Variants in ZNF480 observed in about 807,000 individuals in gnomAD.
ZNF480 encodes the protein zinc finger protein 480.
ZNF480 carries 15 observed loss-of-function variants against 14.4 expected under a neutral mutation model. That is an observed-to-expected ratio of 1.04 (90% CI 0.70 to 1.60). The LOEUF is 1.60. ZNF480 is among the 40% of genes most tolerant of loss of function. The pLI, the probability that ZNF480 is intolerant of heterozygous loss-of-function variation, is 0.00. For missense variants in ZNF480, 593 were observed against 629.7 expected (o/e 0.94, Z 0.62); for synonymous variants, 218 against 215.5 (o/e 1.01, Z -0.10).
chr19:52,299,189 G>A (rs1233356640), intron 1 of ZNF480, among the ~76,000 whole-genome samples: 1 of 152,110 alleles, frequency 6.6e-6, no homozygotes, highest in African/African-American at 2.4e-5. Context: ...GTAGGGTGTG[G>A]GCGAGTGTAA....
intron 2 of ZNF480, chr19:52,302,069 A>C (rs1982719269): frequency 4.2e-6 from 1 of 235,368 alleles, no homozygotes; most frequent in Admixed American, 5.0e-5. Flanking sequence ...CTTCCTCAGC[A>C]TCTGGCTCAT....
At chr19:52,300,082 G>C (rs187555342) in intron 1 of ZNF480, among the ~76,000 whole-genome samples, 3 of 152,240 alleles carry the variant, frequency 2.0e-5, no homozygotes, top group Non-Finnish European at 4.4e-5. Flanking sequence ...AGAGAGGAGA[G>C]GAGGGGCTGT....
intron 4 of ZNF480, 73 bp from the exon 5 acceptor site, chr19:52,321,506 C>G: frequency 7.8e-7 from 1 of 1,278,292 alleles, no homozygotes; most frequent in South Asian, 1.5e-5. Context: ...GAGGCAGATT[C>G]TAGTATTTTC....
intron 2 of ZNF480, 83 bp downstream of exon 2, chr19:52,300,567 C>T (rs542909968): frequency 1.1e-4 from 178 of 1,592,126 alleles, no homozygotes; most frequent in Admixed American, 5.7e-4. Context: ...TTCTCTGAGT[C>T]TGAAGTGTCC....
At chr19:52,316,311 C>T (rs965208206) in intron 4 of ZNF480, among the ~76,000 whole-genome samples, 2 of 151,994 alleles carry the variant, frequency 1.3e-5, no homozygotes, top group South Asian at 4.2e-4. Context: ...ATTGCAACCT[C>T]TGCCTCCCGG....
chr19:52,317,010 A>G (rs1335056864), intron 4 of ZNF480, among the ~76,000 whole-genome samples: 6 of 152,020 alleles, frequency 3.9e-5, no homozygotes, highest in African/African-American at 1.4e-4. Flanking sequence ...TGCTATGAAC[A>G]TGGGTTTTTG....
intron 2 of ZNF480, among the ~76,000 whole-genome samples, chr19:52,303,321 T>C (rs1395979932): frequency 5.9e-5 from 9 of 152,198 alleles, no homozygotes; most frequent in African/African-American, 1.7e-4. Context: ...AATAATTTTG[T>C]TTTTGGAAAG....
Position 52,314,136 on chromosome 19 carries a change from T to A in ZNF480, c.73-17T>A. ...CCCTTTACATATCCTGTTGGTGAAA[T>A]GTGGTTTTCATTTTAGGGACACTTA... On this transcript the variant is annotated splice_polypyrimidine_tract_variant and intron_variant, in intron 2 of 4. Transcript: ENST00000595962. 1 of 1,550,016 alleles carries A rather than the reference T, an allele frequency of 6.5e-7. No individual in the cohort carries two copies. The highest frequency in any genetic ancestry group is 8.8e-7 in the Non-Finnish European group (1 of 1,140,342).
rs201648624 is a variant in ZNF480, at chr19:52,322,526, C to G, written c.1276C>G (p.Pro426Ala). The stretch of plus-strand genomic sequence containing the variant: ...TCGAAGAATTCATACTGGAGAGAAG[C>G]CTTACAAATGTAATGAATGTGGTAA... Reference protein sequence around the residue: ...RHRRIHTGEKPYKCNECGKAF... With the variant: ...RHRRIHTGEKAYKCNECGKAF... The change falls in exon 5 of 5, where the codon CCT becomes GCT. Residue 426 changes from proline (P) to alanine (A), a missense_variant. By Grantham distance (27) the Pro-to-Ala change is conservative. Coordinates refer to ENST00000595962, the MANE Select transcript of ZNF480 (RefSeq NM_144684.4). The G allele has an allele frequency of 4.1e-5, 66 of 1,613,982 alleles. No homozygotes were observed. Among genetic ancestry groups the G allele is most frequent in the Non-Finnish European group, 5.3e-5 (62 of 1,180,006 alleles).
chr19:52,315,267 A>G (rs745867822), intron 3 of ZNF480, among the ~76,000 whole-genome samples: 2 of 151,768 alleles, frequency 1.3e-5, no homozygotes, highest in African/African-American at 2.4e-5. Context: ...CCTTATGGCA[A>G]ACTTTTCAGA....
Position 52,322,619 on chromosome 19 carries a change from T to G in ZNF480, c.1369T>G (p.Cys457Gly). Residue 457 changes from cysteine (C) to glycine (G), a missense_variant, in exon 5 of 5, where the codon TGT (cysteine) becomes GGT (glycine). Coordinates refer to ENST00000595962, the MANE Select transcript of ZNF480 (RefSeq NM_144684.4). The part of the protein sequence containing the change: ...VIHTGEKPYK[C>G]SECGKAFRHK... Reference sequence around the variant, plus strand: ...CCACACTGGAGAGAAGCCTTACAAATGTAGTGAATGTGGCAAGGCATTCAG... The same window carrying G: ...CCACACTGGAGAGAAGCCTTACAAAGGTAGTGAATGTGGCAAGGCATTCAG... The G allele has an allele frequency of 6.2e-7, 1 of 1,614,114 alleles. No homozygotes were observed. The highest frequency in any genetic ancestry group is 1.1e-5 in the South Asian group (1 of 91,088).
chr19:52,320,388 C>T (rs973619222), intron 4 of ZNF480, among the ~76,000 whole-genome samples: 1 of 152,288 alleles, frequency 6.6e-6, no homozygotes, highest in African/African-American at 2.4e-5. Flanking sequence ...TGCAGTGCCT[C>T]ATGCCTGTAA....
intron 3 of ZNF480, among the ~76,000 whole-genome samples, chr19:52,314,690 GCT>G (rs1983467656): frequency 1.3e-5 from 2 of 151,612 alleles, no homozygotes; most frequent in Admixed American, 1.3e-4. Flanking sequence ...TGTAATCCCA[GCT>G]ACTTGGAAGG....
chr19:52,319,822 T>G (rs529145973), intron 4 of ZNF480, among the ~76,000 whole-genome samples: 25 of 107,528 alleles, frequency 2.3e-4, no homozygotes, highest in East Asian at 1.2e-3. Flanking sequence ...TTTTTTTTTT[T>G]TTTTTTTTTT....
chr19:52,310,963 C>T (rs889125995), intron 2 of ZNF480, among the ~76,000 whole-genome samples: 53 of 146,122 alleles, frequency 3.6e-4, no homozygotes, highest in African/African-American at 1.3e-3. Context: ...CAAGATCACG[C>T]CACTGGACTC....
chr19:52,305,882 C>T (rs1982905315), intron 2 of ZNF480, among the ~76,000 whole-genome samples: 1 of 152,134 alleles, frequency 6.6e-6, no homozygotes, highest in Admixed American at 6.5e-5. Flanking sequence ...CTGATTAGCC[C>T]AGTGTTTTCG....
At chr19:52,318,613 G>A (rs1337203457) in intron 4 of ZNF480, among the ~76,000 whole-genome samples, 2 of 152,074 alleles carry the variant, frequency 1.3e-5, no homozygotes, top group Non-Finnish European at 2.9e-5. Context: ...CCAATCTCAT[G>A]AAGCTTTTTA....
chr19:52,300,082 G>A (rs187555342), intron 1 of ZNF480, among the ~76,000 whole-genome samples: 116 of 152,358 alleles, frequency 7.6e-4, no homozygotes, highest in Admixed American at 1.4e-3. Flanking sequence ...AGAGAGGAGA[G>A]GAGGGGCTGT....
rs750591670 is a variant in ZNF480 at position 52,322,077 on chromosome 19, G to A, written c.827G>A (p.Arg276Gln). The A allele has an allele frequency of 6.2e-6, 10 of 1,613,558 alleles. No individual in the cohort carries two copies. Among genetic ancestry groups the A allele is most frequent in the African/African-American group, 2.7e-5 (2 of 74,782 alleles). The change falls in exon 5 of 5, where the codon CGA becomes CAA. Residue 276 changes from arginine (R) to glutamine (Q), a missense_variant. By Grantham distance (43) the Arg-to-Gln change is conservative. Coordinates refer to ENST00000595962, the MANE Select transcript of ZNF480 (RefSeq NM_144684.4). The part of the protein sequence containing the change: ...KVFSYNSNFA[R>Q]HQRIHTREKP... ...TTTAGTTACAATTCAAACTTTGCAC[G>A]ACATCAAAGAATTCATACCAGAGAG...
Sources: gnomAD v4.1 joint callset for allele counts (sites outside exome capture counted in the v4.1 genomes callset) on GRCh38, gnomAD v4.1.1 for gene constraint, MANE v1.5 for transcripts, NCBI Gene and HGNC (gene_info 2026-07-23, HGNC 2026-07-21) for gene names.